Variants in MDM1 observed in about 807,000 individuals in gnomAD.
MDM1 encodes stabilizer of axonemal microtubules 6, also known as Mdm1 nuclear protein.
A neutral mutation model predicts 89.1 loss-of-function variants in MDM1; 61 were observed. The observed-to-expected ratio is 0.68, with a 90% CI of 0.56 to 0.85. The LOEUF is 0.85. Among genes scored for constraint, MDM1 ranks in the 40% least tolerant of loss-of-function variants. The pLI, the probability that MDM1 is intolerant of heterozygous loss-of-function variation, is 0.00. For missense variants in MDM1, 820 were observed against 846.5 expected (o/e 0.97, Z 0.39); for synonymous variants, 290 against 294.1 (o/e 0.99, Z 0.14).
chr12:68,312,262 G>A (rs1403475953), intron 12 of MDM1, among the ~76,000 whole-genome samples: 3 of 152,102 alleles, frequency 2.0e-5, no homozygotes, highest in African/African-American at 7.2e-5. Context: ...TATTCAACAT[G>A]TCTACTTGTA....
intron 10 of MDM1, 54 bp from the exon 11 acceptor site, chr12:68,313,807 A>G (rs1442081282): frequency 3.6e-6 from 5 of 1,401,352 alleles, no homozygotes; most frequent in Non-Finnish European, 5.0e-6. Flanking sequence ...AGAAAATATG[A>G]TAAAAAATAC....
Position 68,313,707 on chromosome 12 carries a change from G to A in MDM1, c.1576C>T (p.Pro526Ser), listed in dbSNP as rs757318790. Reference protein sequence around the residue: ...SSEKGGRLPTPKLRELGGIQR... With the variant: ...SSEKGGRLPTSKLRELGGIQR... ...ATTCCACCAAGTTCTCTCAGCTTGGGAGTAGGAAGCCGGCCTCCTTTTTCT... is the reference window on the plus strand; with the variant it reads ...ATTCCACCAAGTTCTCTCAGCTTGGAAGTAGGAAGCCGGCCTCCTTTTTCT... Residue 526 changes from proline (P) to serine (S), a missense_variant, in exon 11 of 15, where the codon CCC becomes TCC. Coordinates refer to ENST00000682720, the MANE Select transcript of MDM1 (RefSeq NM_001354969.2). 3 of 1,614,058 alleles carry A rather than the reference G, an allele frequency of 1.9e-6. No individual in the cohort carries two copies. The highest frequency in any genetic ancestry group is 2.7e-5 in the African/African-American group (2 of 74,910).
intron 7 of MDM1, among the ~76,000 whole-genome samples, chr12:68,318,453 G>A (rs2121036281): frequency 6.6e-6 from 1 of 152,234 alleles, no homozygotes; most frequent in South Asian, 2.1e-4. Context: ...GATTTATTCA[G>A]TTCTATTTGT....
Position 68,327,408 on chromosome 12 carries a change from A to T in MDM1, c.134-387T>A, listed in dbSNP as rs150000740. 3.1e-3 allele frequency: 4,773 copies of T among 1,535,766 alleles called. 12 individuals carry two copies. The highest frequency in any genetic ancestry group is 3.8e-3 in the Non-Finnish European group (4,377 of 1,146,644). The stretch of plus-strand genomic sequence containing the variant: ...AACAATGGGCCCTGGTACTGTCAAA[A>T]TTTGGAACTTTTCACAAAGCTTCTC... On this transcript the variant is annotated intron_variant, in intron 2 of 14. Transcript: ENST00000682720.
chr12:68,299,296 T>C (rs1871833282), intron 13 of MDM1, among the ~76,000 whole-genome samples: 1 of 151,826 alleles, frequency 6.6e-6, no homozygotes, highest in Non-Finnish European at 1.5e-5. Context: ...CAAGATGAAA[T>C]CTTTGAAATA....
chr12:68,305,171 G>A (rs1872706613), intron 12 of MDM1, among the ~76,000 whole-genome samples: 1 of 152,116 alleles, frequency 6.6e-6, no homozygotes, highest in Admixed American at 6.5e-5. Context: ...AAAACCATAT[G>A]ATCATCTCAA....
At position 68,323,333 on chromosome 12, in the gene MDM1, A is replaced by G. The variant is rs183653922; in HGVS notation, c.634-93T>C. ...TTAACAAAACATAAAGTTGAATTAC[A>G]GGACAAAAAAATAGCAAAGTTATAT... On this transcript the variant is annotated intron_variant, in intron 4 of 14. Transcript: ENST00000682720. 641 of 886,338 alleles carry G rather than the reference A, an allele frequency of 7.2e-4. 7 individuals are homozygous for G. In the African/African-American group the frequency reaches 0.01, roughly 14 times the overall value. 54.9% of individuals were successfully genotyped at this position (886,338 alleles called of 1,614,324 possible). A position where few individuals can be genotyped will look rare whatever the true frequency, so the allele number is the denominator to read the frequency against.
intron 7 of MDM1, among the ~76,000 whole-genome samples, chr12:68,320,652 G>T (rs1425336182): frequency 1.3e-5 from 2 of 152,160 alleles, no homozygotes; most frequent in African/African-American, 4.8e-5. Flanking sequence ...GGGGGAAGTG[G>T]GATGTTTACT....
chr12:68,313,833 C>T (rs1164960040), intron 10 of MDM1, 80 bp from the exon 11 acceptor site: 3 of 1,261,028 alleles, frequency 2.4e-6, no homozygotes, highest in Non-Finnish European at 3.4e-6. Flanking sequence ...CATCATTGTG[C>T]AATAATAAAG....
intron 14 of MDM1, among the ~76,000 whole-genome samples, chr12:68,295,699 C>T (rs1871286254): frequency 6.6e-6 from 1 of 152,078 alleles, no homozygotes; most frequent in Non-Finnish European, 1.5e-5. Flanking sequence ...CTGTTTTATC[C>T]TACTTTAAAA....
intron 4 of MDM1, among the ~76,000 whole-genome samples, chr12:68,323,977 C>A (rs1875600859): frequency 6.6e-6 from 1 of 152,080 alleles, no homozygotes. Context: ...TTTCAGAAAG[C>A]AGGTGTCTGA....
intron 3 of MDM1, chr12:68,325,977 A>AC: frequency 4.0e-6 from 4 of 993,124 alleles, no homozygotes; most frequent in Non-Finnish European, 4.8e-6. Flanking sequence ...GTTCCCTTTC[A>AC]CCCCCAGCTT....
At chr12:68,306,843 CTGAG>C (rs970648571) in intron 12 of MDM1, among the ~76,000 whole-genome samples, 2 of 152,308 alleles carry the variant, frequency 1.3e-5, no homozygotes, top group African/African-American at 4.8e-5. Context: ...AATCTCACTA[CTGAG>C]TATCTACCCA....
chr12:68,326,242 T>C, intron 3 of MDM1: 2 of 1,143,672 alleles, frequency 1.7e-6, no homozygotes. Flanking sequence ...CCTTTTGCAT[T>C]TCATCAATTG....
intron 1 of MDM1, 60 bp downstream of exon 1, chr12:68,332,168 C>A (rs1876927604): frequency 2.0e-6 from 3 of 1,503,764 alleles, no homozygotes; most frequent in Middle Eastern, 1.8e-4. Flanking sequence ...CTCGGCGCTC[C>A]ACACCTCCCC....
At chr12:68,308,142 T>C (rs1873174045) in intron 12 of MDM1, among the ~76,000 whole-genome samples, 1 of 150,238 alleles carries the variant, frequency 6.7e-6, no homozygotes, top group Non-Finnish European at 1.5e-5. Flanking sequence ...TTTTTTTTTT[T>C]TGAGATGGAG....
At chr12:68,316,426 C>T in intron 8 of MDM1, 155 bp downstream of exon 8, 2 of 930,716 alleles carry the variant, frequency 2.1e-6, no homozygotes, top group Non-Finnish European at 3.2e-6. Flanking sequence ...CTAAAACAAT[C>T]AAGCTAAAGC....
At chr12:68,307,446 G>A (rs1592956204) in intron 12 of MDM1, among the ~76,000 whole-genome samples, 1 of 152,242 alleles carries the variant, frequency 6.6e-6, no homozygotes, top group East Asian at 1.9e-4. Context: ...GAACAGCCTG[G>A]CAACACAGCG....
rs1200630019 is a variant in MDM1, at chr12:68,323,074, T to A, written c.800A>T (p.Lys267Met). ...GTAAGGTTAAAAGTTGATGAATACC[T>A]TCCTTTCAGGAGACACTGTTTCAAG... ...RNLETVSPER[K>M]SNKIDDRLKL... The change falls in exon 5 of 15, where the codon AAG (lysine) becomes ATG (methionine). Residue 267 changes from lysine to methionine, a missense_variant and splice_region_variant. Transcript: ENST00000682720. The A allele has an allele frequency of 1.3e-5, 20 of 1,598,328 alleles. No homozygotes were observed. The highest frequency in any genetic ancestry group is 1.5e-5 in the Non-Finnish European group (18 of 1,175,518).
Sources: allele counts gnomAD v4.1 joint callset (sites outside exome capture counted in the v4.1 genomes callset), GRCh38; gene constraint gnomAD v4.1.1; transcripts MANE v1.5; gene names NCBI Gene and HGNC (gene_info 2026-07-23, HGNC 2026-07-21).